Variants in VSTM5 observed in about 807,000 individuals in gnomAD.
VSTM5 encodes the protein V-set and transmembrane domain containing 5.
In VSTM5, 21 loss-of-function variants were observed where a neutral mutation model predicts 20.3. That is an observed-to-expected ratio of 1.03 (90% confidence interval 0.73 to 1.49). VSTM5 has a LOEUF of 1.49. VSTM5 is among the 40% of genes most tolerant of loss of function. The probability of loss-of-function intolerance (pLI) is 0.00; values close to 1 mark genes in which losing one functional copy is unlikely to be tolerated. For synonymous variants in VSTM5, 100 were observed against 102.5 expected (o/e 0.98, Z 0.14); for missense variants, 219 against 250.0 (o/e 0.88, Z 0.84).
At chr11:93,837,852 T>A (rs370854752) in intron 1 of VSTM5, among the ~76,000 whole-genome samples, 37 of 152,234 alleles carry the variant, frequency 2.4e-4, no homozygotes, top group African/African-American at 7.7e-4. Flanking sequence ...AAAAAAGGAA[T>A]TTTTAAAATA....
rs553617421 is a variant in VSTM5 at position 93,844,713 on chromosome 11, G to C, written c.91+5699C>G. Among the ~76,000 whole-genome samples, 95 of 152,240 alleles carry C rather than the reference G, an allele frequency of 6.2e-4. 1 individual carries two copies. The highest frequency in any genetic ancestry group is 2.1e-3 in the African/African-American group (86 of 41,532). The stretch of plus-strand genomic sequence containing the variant: ...GACTACCTCCTACGTTGCCATCAAG[G>C]CCTCTTCTTCAAGAAGCTCCTCCCA... On this transcript the variant is annotated intron_variant, in intron 1 of 3. Transcript: ENST00000409977.
Position 93,821,191 on chromosome 11 carries a change from G to C in VSTM5, c.224C>G (p.Thr75Arg). The change falls in exon 2 of 4, where the codon ACG becomes AGG. Residue 75 changes from threonine to arginine, a missense_variant. Coordinates refer to ENST00000409977, the MANE Select transcript of VSTM5 (RefSeq NM_001144871.2). ...IEWTYSSNWG[T>R]QKIVEWKPGT... ...TGGTTTCCACTCCACGATCTTCTGC[G>C]TTCCCCAATTGGATGAATATGTCCA... 1 of 1,552,158 alleles carries C rather than the reference G, an allele frequency of 6.4e-7. No homozygotes were observed.
intron 1 of VSTM5, among the ~76,000 whole-genome samples, chr11:93,823,914 C>CTT (rs55797713): frequency 0.027 from 3,936 of 146,738 alleles, 150 homozygotes; most frequent in African/African-American, 0.082. Context: ...TTGTATGGCA[C>CTT]TTTTTTTTTT....
intron 1 of VSTM5, chr11:93,821,647 C>G: frequency 3.1e-6 from 1 of 319,006 alleles, no homozygotes; most frequent in South Asian, 4.0e-5. Flanking sequence ...CCTTCTGATG[C>G]CCAAGGACTC....
intron 1 of VSTM5, among the ~76,000 whole-genome samples, chr11:93,842,437 G>A (rs1944378035): frequency 6.6e-6 from 1 of 152,170 alleles, no homozygotes. Flanking sequence ...CCTTTTCCAG[G>A]CACCAACAAG....
At chr11:93,841,883 G>T (rs780281924) in intron 1 of VSTM5, among the ~76,000 whole-genome samples, 16 of 152,222 alleles carry the variant, frequency 1.1e-4, no homozygotes, top group Non-Finnish European at 1.6e-4. Flanking sequence ...ACGGAATTGA[G>T]GCAGTGTGTG....
At chr11:93,847,090 A>G (rs565048685) in intron 1 of VSTM5, among the ~76,000 whole-genome samples, 5 of 152,248 alleles carry the variant, frequency 3.3e-5, no homozygotes, top group Admixed American at 2.0e-4. Flanking sequence ...TTAAAAGTAC[A>G]TTGGAAACTC....
At chr11:93,827,009 G>A (rs1310660050) in intron 1 of VSTM5, among the ~76,000 whole-genome samples, 1 of 152,118 alleles carries the variant, frequency 6.6e-6, no homozygotes, top group Non-Finnish European at 1.5e-5. Flanking sequence ...TAATTAGACA[G>A]ACTAACCGGG....
At chr11:93,836,606 G>A (rs1005329795) in intron 1 of VSTM5, among the ~76,000 whole-genome samples, 3 of 152,144 alleles carry the variant, frequency 2.0e-5, no homozygotes, top group Non-Finnish European at 2.9e-5. Flanking sequence ...CTCAATCATC[G>A]CCTCTTCTGG....
At chr11:93,826,973 G>A (rs1338002590) in intron 1 of VSTM5, among the ~76,000 whole-genome samples, 3 of 152,126 alleles carry the variant, frequency 2.0e-5, no homozygotes, top group Admixed American at 6.5e-5. Flanking sequence ...TCTTGAATTT[G>A]TTAAGCCTTG....
chr11:93,823,429 G>A (rs1037184038), intron 1 of VSTM5, among the ~76,000 whole-genome samples: 6 of 152,068 alleles, frequency 3.9e-5, no homozygotes, highest in Admixed American at 1.3e-4. Flanking sequence ...TGATGATCAC[G>A]ATTAAATTAA....
intron 1 of VSTM5, among the ~76,000 whole-genome samples, chr11:93,838,397 G>A (rs1197786185): frequency 2.0e-5 from 3 of 151,994 alleles, no homozygotes; most frequent in South Asian, 2.1e-4. Flanking sequence ...GCTTGAACCC[G>A]GAAGGCAGAG....
chr11:93,847,494 A>G (rs1944423484), intron 1 of VSTM5, among the ~76,000 whole-genome samples: 1 of 152,088 alleles, frequency 6.6e-6, no homozygotes, highest in Non-Finnish European at 1.5e-5. Context: ...TTTTCTGAGG[A>G]CTGGCCCCAG....
intron 1 of VSTM5, among the ~76,000 whole-genome samples, chr11:93,833,273 T>G (rs1253625570): frequency 6.6e-6 from 1 of 152,222 alleles, no homozygotes; most frequent in African/African-American, 2.4e-5. Context: ...ATATGGCCAC[T>G]AGAACATTTA....
At chr11:93,846,002 G>A (rs1010898086) in intron 1 of VSTM5, among the ~76,000 whole-genome samples, 3 of 152,156 alleles carry the variant, frequency 2.0e-5, no homozygotes, top group African/African-American at 7.2e-5. Context: ...GACAAAAATT[G>A]TATTAAAGCC....
chr11:93,831,921 G>A (rs540018292), intron 1 of VSTM5, among the ~76,000 whole-genome samples: 84 of 152,340 alleles, frequency 5.5e-4, no homozygotes, highest in African/African-American at 1.9e-3. Flanking sequence ...AGGAGTGCAT[G>A]GAAGTTACTC....
intron 1 of VSTM5, among the ~76,000 whole-genome samples, chr11:93,847,321 G>T (rs1230486038): frequency 1.3e-5 from 2 of 152,096 alleles, no homozygotes; most frequent in Non-Finnish European, 2.9e-5. Context: ...AGAGTCTCGT[G>T]AAGGGCCTTG....
rs1218325943 is a variant in VSTM5 at position 93,821,131 on chromosome 11, TC to T, written c.283del (p.Asp95ThrfsTer18). The T allele has an allele frequency of 6.4e-7, 1 of 1,552,146 alleles. No individual in the cohort carries two copies. The highest frequency in any genetic ancestry group is 2.4e-5 in the East Asian group (1 of 40,918). ...GCCGTTGTCAAAGGTGCAGACTCTGTCCTTGTGGCTTTGAGAGATGTTGGCC... is the reference window on the plus strand; with the variant it reads ...GCCGTTGTCAAAGGTGCAGACTCTGTCTTGTGGCTTTGAGAGATGTTGGCC... ...TQANISQSHKDRVCTFDNGSI... is the reference protein window; with the variant it reads ...TQANISQSHKXRVCTFDNGSI... On this transcript the variant is annotated frameshift_variant, in exon 2 of 4. Coordinates refer to ENST00000409977, the MANE Select transcript of VSTM5 (RefSeq NM_001144871.2). LOFTEE classifies it high-confidence loss of function.
At chr11:93,839,201 C>T (rs1944349845) in intron 1 of VSTM5, among the ~76,000 whole-genome samples, 1 of 152,180 alleles carries the variant, frequency 6.6e-6, no homozygotes, top group South Asian at 2.1e-4. Context: ...TGTGGTGGCC[C>T]CAAGAGACAG....
Sources: gnomAD v4.1 joint callset for allele counts (sites outside exome capture counted in the v4.1 genomes callset) on GRCh38, gnomAD v4.1.1 for gene constraint, MANE v1.5 for transcripts, NCBI Gene and HGNC (gene_info 2026-07-23, HGNC 2026-07-21) for gene names.